CYP20A1: variants seen among roughly 807,000 people sequenced by gnomAD.
CYP20A1 encodes cytochrome P450 family 20 subfamily A member 1, also known as cytochrome P450 20A1.
A neutral mutation model predicts 61.4 loss-of-function variants in CYP20A1; 61 were observed. The ratio of observed to expected loss-of-function variants is 0.99; its 90% confidence interval spans 0.81 to 1.23. The LOEUF (loss-of-function observed/expected upper bound fraction) is 1.23. Ranked by LOEUF, CYP20A1 falls within the 50% of genes most tolerant of loss-of-function variation. The probability of loss-of-function intolerance (pLI) is 0.00; values close to 1 mark genes in which losing one functional copy is unlikely to be tolerated. For missense variants in CYP20A1, 530 were observed against 542.4 expected (o/e 0.98, Z 0.23); for synonymous variants, 193 against 188.2 (o/e 1.03, Z -0.21).
intron 3 of CYP20A1, among the ~76,000 whole-genome samples, chr2:203,249,897 A>G (rs1466387777): frequency 6.6e-6 from 1 of 152,206 alleles, no homozygotes; most frequent in East Asian, 1.9e-4. Flanking sequence ...AAGCTCATTA[A>G]GAAAGGAGTA....
Position 203,245,831 on chromosome 2 carries a change from C to G in CYP20A1, c.73-15C>G. 1 of 1,542,884 alleles carries G rather than the reference C, an allele frequency of 6.5e-7. No homozygotes were observed. The stretch of plus-strand genomic sequence containing the variant: ...ATATATGATAATTCATTATTATAAA[C>G]TTTTTTTTTGTAAGGCTTCCAGACA... On this transcript the variant is annotated splice_polypyrimidine_tract_variant and intron_variant, in intron 1 of 12. Transcript: ENST00000356079.
At chr2:203,245,346 A>T (rs76867065) in intron 1 of CYP20A1, among the ~76,000 whole-genome samples, 101 of 143,632 alleles carry the variant, frequency 7.0e-4, no homozygotes, top group African/African-American at 2.2e-3. Flanking sequence ...TTTAAAAAAA[A>T]ATTTTTTTTT....
intron 4 of CYP20A1, among the ~76,000 whole-genome samples, chr2:203,256,048 C>G (rs2066881229): frequency 6.6e-6 from 1 of 152,172 alleles, no homozygotes; most frequent in African/African-American, 2.4e-5. Flanking sequence ...ACTGTAGCCT[C>G]AAATTCCTGG....
chr2:203,250,787 G>A (rs895119172), intron 3 of CYP20A1, among the ~76,000 whole-genome samples: 6 of 152,116 alleles, frequency 3.9e-5, no homozygotes, highest in Admixed American at 6.6e-5. Context: ...CAGCTAGGCC[G>A]GGTGCGGTGG....
At position 203,296,936 on chromosome 2, in the gene CYP20A1, A is replaced by AGGC. The variant is rs777729981; in HGVS notation, c.*28_*29insGGC. The AGGC allele has an allele frequency of 4.5e-6, 6 of 1,339,384 alleles. No individual in the cohort carries two copies. The South Asian group carries it at 6.9e-5, about 15-fold the overall frequency. 83.0% of individuals were successfully genotyped at this position (1,339,384 alleles called of 1,614,324 possible). ...TTTTATACATTTAAAATCATTGTTA[A>AGGC]ATTGATTGAGGAAAACAACCATTTA... On this transcript the variant is annotated 3_prime_UTR_variant, in exon 13 of 13. Transcript: ENST00000356079.
At chr2:203,250,551 T>C (rs552880365) in intron 3 of CYP20A1, among the ~76,000 whole-genome samples, 2 of 152,314 alleles carry the variant, frequency 1.3e-5, no homozygotes, top group South Asian at 4.1e-4. Context: ...ATTACTAGGC[T>C]TTATACAACA....
intron 8 of CYP20A1, among the ~76,000 whole-genome samples, chr2:203,284,033 A>G (rs1388443265): frequency 6.6e-6 from 1 of 152,200 alleles, no homozygotes; most frequent in Non-Finnish European, 1.5e-5. Flanking sequence ...TTCACTCAGA[A>G]GCCATAATGA....
rs775534978 is a variant in CYP20A1, at chr2:203,292,335, T to C, written c.1148+9T>C. 3 of 1,600,032 alleles carry C rather than the reference T, an allele frequency of 1.9e-6. No individual in the cohort carries two copies. Among genetic ancestry groups the C allele is most frequent in the Non-Finnish European group, 1.7e-6 (2 of 1,167,624 alleles). Reference sequence around the variant, plus strand: ...TGGCCATCTCCACACAAGTATGAAATATTTGTCATTGTATTTGTGACTGTC... The same window carrying C: ...TGGCCATCTCCACACAAGTATGAAACATTTGTCATTGTATTTGTGACTGTC... On this transcript the variant is annotated intron_variant, in intron 11 of 12. Transcript: ENST00000356079.
intron 10 of CYP20A1, among the ~76,000 whole-genome samples, chr2:203,290,697 C>T (rs922540455): frequency 2.0e-5 from 3 of 152,132 alleles, no homozygotes; most frequent in Non-Finnish European, 4.4e-5. Flanking sequence ...TCCTGGAGTG[C>T]AGTTGTGCAA....
chr2:203,248,615 T>C (rs976220394), intron 3 of CYP20A1, among the ~76,000 whole-genome samples: 4 of 152,000 alleles, frequency 2.6e-5, no homozygotes, highest in African/African-American at 9.7e-5. Flanking sequence ...AAACCAAATA[T>C]GTATGATAAA....
At chr2:203,251,818 A>ATAT (rs34132653) in intron 3 of CYP20A1, 149 bp from the exon 4 acceptor site, 18,893 of 77,342 alleles carry the variant, frequency 0.24, 2,926 homozygotes, top group East Asian at 0.53. Flanking sequence ...TATATATATA[A>ATAT]AAAATAAAAA....
intron 1 of CYP20A1, among the ~76,000 whole-genome samples, chr2:203,242,105 G>T (rs1475143088): frequency 1.3e-5 from 2 of 152,150 alleles, no homozygotes; most frequent in Non-Finnish European, 2.9e-5. Flanking sequence ...GCCTCCCAAA[G>T]CACTGGGATT....
chr2:203,276,234 G>A (rs1239035766), intron 6 of CYP20A1, among the ~76,000 whole-genome samples: 1 of 152,182 alleles, frequency 6.6e-6, no homozygotes, highest in African/African-American at 2.4e-5. Context: ...GAGAAGAGGA[G>A]CAGAAGATGA....
intron 5 of CYP20A1, 169 bp from the exon 6 acceptor site, chr2:203,272,501 C>T: frequency 6.3e-6 from 2 of 316,274 alleles, no homozygotes; most frequent in South Asian, 1.3e-4. Context: ...ATGATCGTGC[C>T]ATTGCAATCC....
At chr2:203,285,878 T>C in intron 9 of CYP20A1, 146 bp downstream of exon 9, 1 of 704,888 alleles carries the variant, frequency 1.4e-6, no homozygotes, top group Non-Finnish European at 2.1e-6. Flanking sequence ...GGTAAATGAA[T>C]CTGCTTTTTA....
intron 9 of CYP20A1, among the ~76,000 whole-genome samples, chr2:203,288,199 G>A (rs1205188848): frequency 6.7e-6 from 1 of 150,026 alleles, no homozygotes; most frequent in Non-Finnish European, 1.5e-5. Flanking sequence ...CCAAGTAGTT[G>A]GAATTACAGG....
rs530542230 is a variant in CYP20A1, at chr2:203,302,783, C to T, written c.*5875C>T. 6.6e-6 allele frequency among the ~76,000 whole-genome samples: 1 copy of T among 152,140 alleles called. No individual in the cohort carries two copies. Among genetic ancestry groups the T allele is most frequent in the Non-Finnish European group, 1.5e-5 (1 of 68,012 alleles). ...TCTCGGCTCACTGCAACCTCTGCCT[C>T]CCAGGTTCAAGCGATTCTCTTGCCT... is the stretch of plus-strand genomic sequence containing the variant. On this transcript the variant is annotated 3_prime_UTR_variant, in exon 13 of 13. Transcript: ENST00000356079.
chr2:203,283,392 A>G (rs1338182614), intron 8 of CYP20A1, among the ~76,000 whole-genome samples: 2 of 147,950 alleles, frequency 1.4e-5, no homozygotes, highest in African/African-American at 2.5e-5. Context: ...AATTTTTTGT[A>G]TTTTTAGTAG....
At chr2:203,265,763 T>G (rs1331445114) in intron 4 of CYP20A1, among the ~76,000 whole-genome samples, 2 of 152,188 alleles carry the variant, frequency 1.3e-5, no homozygotes, top group African/African-American at 4.8e-5. Flanking sequence ...TGATCTTGGC[T>G]CATTGCAGCC....
Sources: gnomAD v4.1 joint callset for allele counts (sites outside exome capture counted in the v4.1 genomes callset) on GRCh38, gnomAD v4.1.1 for gene constraint, MANE v1.5 for transcripts, NCBI Gene and HGNC (gene_info 2026-07-23, HGNC 2026-07-21) for gene names.